The following ZNF365 variants were observed in gnomAD, a reference collection of about 807,000 sequenced individuals.
ZNF365 encodes the protein protein ZNF365.
In ZNF365, 22 loss-of-function variants were observed where a neutral mutation model predicts 35.0. The observed-to-expected ratio is 0.63, with a 90% confidence interval of 0.45 to 0.90. ZNF365 has a LOEUF of 0.90. ZNF365 is among the 40% of genes least tolerant of loss of function. The pLI is 0.00. For missense variants in ZNF365, 448 were observed against 500.3 expected, an observed-to-expected ratio of 0.90 and a Z score of 1.00; for synonymous variants, 188 against 196.2, an observed-to-expected ratio of 0.96 and a Z score of 0.35.
In ZNF365 at chr10:62,451,941, C is replaced by G. The variant is rs545776226; in HGVS notation, c.925-7800C>G. ...TGGATATTAAATAATAAAAATAATA[C>G]TTACCCAAAGCCCCCAAGGTTTGTT... On this transcript the variant is annotated intron_variant, in intron 3 of 4. Transcript: ENST00000395255. 2.0e-5 allele frequency among the ~76,000 whole-genome samples: 3 copies of G among 152,312 alleles called. No individual in the cohort carries two copies. In the East Asian group the frequency reaches 5.8e-4, roughly 29 times the overall value.
At position 62,400,733 on chromosome 10, in the gene ZNF365, T is replaced by G. The variant is rs1014107921; in HGVS notation, c.*944T>G. The G allele has an allele frequency of 2.0e-6, 2 of 985,576 alleles. No individual in the cohort carries two copies. The highest frequency in any genetic ancestry group is 1.2e-4 in the Admixed American group (2 of 16,256). 61.1% of individuals were successfully genotyped at this position (985,576 alleles called of 1,614,324 possible). A position where few individuals can be genotyped will look rare whatever the true frequency, so the allele number is the denominator to read the frequency against. On this transcript the variant is annotated 3_prime_UTR_variant, in exon 5 of 5. Transcript: ENST00000395254. Reference sequence around the variant, plus strand: ...CCCGGCCAGTGTCAGTGGCCCTCTCTCTCTCTGCTATGGGCATGACTTTCT... The same window carrying G: ...CCCGGCCAGTGTCAGTGGCCCTCTCGCTCTCTGCTATGGGCATGACTTTCT...
At chr10:62,425,327 A>G (rs1456749551) in intron 3 of ZNF365, among the ~76,000 whole-genome samples, 1 of 152,154 alleles carries the variant, frequency 6.6e-6, no homozygotes, top group Non-Finnish European at 1.5e-5. Flanking sequence ...AATATATGAC[A>G]TATATAAAAA....
intron 4 of ZNF365, among the ~76,000 whole-genome samples, chr10:62,461,144 G>C (rs1840840637): frequency 6.6e-6 from 1 of 152,134 alleles, no homozygotes. Flanking sequence ...ATCTTCTAGG[G>C]CTGATCCTCC....
chr10:62,467,374 A>C (rs1260322841), intron 4 of ZNF365, among the ~76,000 whole-genome samples: 1 of 152,188 alleles, frequency 6.6e-6, no homozygotes, highest in Non-Finnish European at 1.5e-5. Flanking sequence ...AGATTAGATT[A>C]TTTTATCCAG....
At chr10:62,416,710 T>G (rs1456626405) in intron 3 of ZNF365, among the ~76,000 whole-genome samples, 2 of 152,082 alleles carry the variant, frequency 1.3e-5, no homozygotes, top group African/African-American at 4.8e-5. Flanking sequence ...ATTTTGGTGT[T>G]TTTTGTTTGT....
At chr10:62,424,510 G>A (rs899983278) in intron 3 of ZNF365, among the ~76,000 whole-genome samples, 1 of 152,174 alleles carries the variant, frequency 6.6e-6, no homozygotes, top group African/African-American at 2.4e-5. Flanking sequence ...TAGTTCTCTA[G>A]TGGAAACATT....
downstream of ZNF365, among the ~76,000 whole-genome samples, chr10:62,402,776 A>G (rs1839850213): frequency 6.6e-6 from 1 of 152,234 alleles, no homozygotes; most frequent in South Asian, 2.1e-4. Flanking sequence ...AGCAATTCAT[A>G]AACAGATTTC....
chr10:62,379,065 C>A (rs1456695328), intron 2 of ZNF365, among the ~76,000 whole-genome samples: 1 of 150,892 alleles, frequency 6.6e-6, no homozygotes, highest in Non-Finnish European at 1.5e-5. Context: ...CTTTGTCACC[C>A]AGGCTGGAGT....
chr10:62,446,683 A>G (rs1209385133), intron 3 of ZNF365, among the ~76,000 whole-genome samples: 1 of 152,138 alleles, frequency 6.6e-6, no homozygotes, highest in East Asian at 1.9e-4. Context: ...ATTTTGGGGG[A>G]AAAAATCCAT....
intron 3 of ZNF365, among the ~76,000 whole-genome samples, chr10:62,414,263 A>C (rs531664500): frequency 6.6e-6 from 1 of 152,034 alleles, no homozygotes; most frequent in East Asian, 1.9e-4. Flanking sequence ...GCAATGGTGC[A>C]ATCAGAGCTC....
intron 4 of ZNF365, among the ~76,000 whole-genome samples, chr10:62,465,360 A>G (rs981536372): frequency 3.3e-5 from 5 of 152,050 alleles, no homozygotes; most frequent in African/African-American, 9.7e-5. Flanking sequence ...TTTGATGTGG[A>G]CAGCCTGGGC....
At chr10:62,467,941 G>A (rs1455544633) in intron 4 of ZNF365, among the ~76,000 whole-genome samples, 1 of 152,020 alleles carries the variant, frequency 6.6e-6, no homozygotes, top group Non-Finnish European at 1.5e-5. Context: ...AACAATATAA[G>A]CTCAGGAGCA....
chr10:62,464,494 T>A (rs1589468830), intron 4 of ZNF365, among the ~76,000 whole-genome samples: 2 of 152,358 alleles, frequency 1.3e-5, no homozygotes, highest in African/African-American at 2.4e-5. Flanking sequence ...TCATAGCAGA[T>A]GTTCAGTAAA....
chr10:62,450,435 C>G (rs866903059), intron 3 of ZNF365, among the ~76,000 whole-genome samples: 10 of 152,224 alleles, frequency 6.6e-5, no homozygotes, highest in South Asian at 4.1e-4. Flanking sequence ...CAAAGAAGGC[C>G]CTGTACCTGG....
intron 3 of ZNF365, among the ~76,000 whole-genome samples, chr10:62,426,969 G>A (rs1036109785): frequency 2.6e-4 from 39 of 152,124 alleles, no homozygotes; most frequent in African/African-American, 8.2e-4. Context: ...TCAAGACATC[G>A]TAATAACAGT....
intron 3 of ZNF365, among the ~76,000 whole-genome samples, chr10:62,426,346 T>C (rs1471888086): frequency 6.6e-6 from 1 of 152,178 alleles, no homozygotes; most frequent in Non-Finnish European, 1.5e-5. Context: ...CTCTGTGGTC[T>C]GTTCCTCACC....
At chr10:62,422,261 G>A (rs1370340213) in intron 3 of ZNF365, among the ~76,000 whole-genome samples, 1 of 152,162 alleles carries the variant, frequency 6.6e-6, no homozygotes, top group Non-Finnish European at 1.5e-5. Flanking sequence ...CTAGGGTTGG[G>A]TAGACTGGGA....
chr10:62,477,533 T>C (rs1484998507), intron 4 of ZNF365, among the ~76,000 whole-genome samples: 1 of 152,212 alleles, frequency 6.6e-6, no homozygotes, highest in East Asian at 1.9e-4. Flanking sequence ...GGCATTATGG[T>C]GAATAATCTT....
At chr10:62,450,464 T>C (rs574202561) in intron 3 of ZNF365, among the ~76,000 whole-genome samples, 3 of 152,204 alleles carry the variant, frequency 2.0e-5, no homozygotes, top group Admixed American at 6.5e-5. Flanking sequence ...TCTGAGGTCA[T>C]TGTCTTGAGA....
Sources: gnomAD v4.1 joint callset for allele counts (sites outside exome capture counted in the v4.1 genomes callset) on GRCh38, gnomAD v4.1.1 for gene constraint, MANE v1.5 for transcripts, NCBI Gene and HGNC (gene_info 2026-07-23, HGNC 2026-07-21) for gene names.